The following ERCC6 variants were observed in gnomAD, a reference collection of about 807,000 sequenced individuals.
ERCC6 encodes the protein DNA excision repair protein ERCC-6.
In ERCC6, 116 loss-of-function variants were observed where a neutral mutation model predicts 158.7. That is an observed-to-expected ratio of 0.73 (90% CI 0.63 to 0.85). The LOEUF (loss-of-function observed/expected upper bound fraction) is 0.85. Ranked by LOEUF, ERCC6 falls within the 40% of genes least tolerant of loss-of-function variation. The pLI is 0.00. For missense variants in ERCC6, 1,698 were observed against 1,799.4 expected (o/e 0.94, Z 1.02); for synonymous variants, 678 against 659.3 (o/e 1.03, Z -0.43).
At position 49,457,096 on chromosome 10, in the gene ERCC6, G is replaced by A. The variant is rs892974391; in HGVS notation, c.*1719C>T. The A allele has an allele frequency of 2.0e-5, 3 of 152,078 alleles. No homozygotes were observed. The allele number at this position is 152,078 out of a possible 1,614,324, so 9.4% of individuals were successfully genotyped here. On this transcript the variant is annotated 3_prime_UTR_variant, in exon 21 of 21. Transcript: ENST00000355832. ...GGTCAGCAGATCACCCTGAGAACAA[G>A]GAAGACACAATTTCCTTATAGGCTA... is the stretch of plus-strand genomic sequence containing the variant.
At chr10:49,509,566 G>C (rs908443267) in intron 5 of ERCC6, among the ~76,000 whole-genome samples, 4 of 152,132 alleles carry the variant, frequency 2.6e-5, no homozygotes. Context: ...TAAAAATTCT[G>C]TCACAAATTT....
intron 6 of ERCC6, chr10:49,500,977 T>TA: frequency 2.7e-6 from 1 of 369,950 alleles, no homozygotes; most frequent in Non-Finnish European, 5.0e-6. Flanking sequence ...TTTTCAACAT[T>TA]AGAAATAGCT....
At chr10:49,482,659 CA>C (rs763264917) in intron 10 of ERCC6, 27 bp downstream of exon 10, 3 of 1,602,470 alleles carry the variant, frequency 1.9e-6, no homozygotes, top group Non-Finnish European at 2.6e-6. Flanking sequence ...ATTAAAATGC[CA>C]AAAGTATTAT....
chr10:49,485,628 C>CACAGGCAATAGATATTTAATTCTTAACT (rs1851063946), intron 8 of ERCC6, among the ~76,000 whole-genome samples: 1 of 152,066 alleles, frequency 6.6e-6, no homozygotes, highest in African/African-American at 2.4e-5. Context: ...TAGAAAGGTA[C>CACAGGCAATAGATATTTAATTCTTAACT]ACAGGCAATA....
intron 18 of ERCC6, among the ~76,000 whole-genome samples, chr10:49,463,737 C>T (rs932554402): frequency 9.2e-5 from 14 of 152,156 alleles, no homozygotes; most frequent in Non-Finnish European, 1.9e-4. Flanking sequence ...GAATGAGTTT[C>T]ATGAGATCTC....
At chr10:49,522,086 A>G (rs1590469881) in intron 5 of ERCC6, among the ~76,000 whole-genome samples, 1 of 152,200 alleles carries the variant, frequency 6.6e-6, no homozygotes, top group Non-Finnish European at 1.5e-5. Context: ...AACTACTCCT[A>G]AATTCTAACC....
intron 7 of ERCC6, among the ~76,000 whole-genome samples, chr10:49,499,700 C>A (rs1049239599): frequency 6.6e-6 from 1 of 152,136 alleles, no homozygotes; most frequent in Non-Finnish European, 1.5e-5. Context: ...CTGATTTCTA[C>A]AGAGTCAATT....
chr10:49,521,597 A>G (rs892251198), intron 5 of ERCC6, among the ~76,000 whole-genome samples: 4 of 152,214 alleles, frequency 2.6e-5, no homozygotes, highest in Admixed American at 1.3e-4. Context: ...CCGACAGAAC[A>G]TTTACTTCTA....
Position 49,474,039 on chromosome 10 carries a change from A to C in ERCC6, c.2586T>G (p.Ser862=). The part of the protein sequence containing the change: ...HKQGQRVLLF[S]QSRQMLDILE... ...TCTGTGCACTCACCTGCCTTGACTG[A>C]GAAAACAGCAATACTCGCTGACCCT... is the stretch of plus-strand genomic sequence containing the variant. The change falls in exon 13 of 21, where the codon TCT becomes TCG. Residue 862 remains serine, a synonymous_variant. Coordinates refer to ENST00000355832, the MANE Select transcript of ERCC6 (RefSeq NM_000124.4). 1 of 1,614,020 alleles carries C rather than the reference A, an allele frequency of 6.2e-7. No individual in the cohort carries two copies. The highest frequency in any genetic ancestry group is 8.5e-7 in the Non-Finnish European group (1 of 1,179,990).
chr10:49,452,776 T>TGTTATATCTTTTTGATGG (rs541914358), downstream of ERCC6, among the ~76,000 whole-genome samples: 835 of 152,314 alleles, frequency 5.5e-3, 4 homozygotes, highest in Non-Finnish European at 7.1e-3. Context: ...TGTTTACAAC[T>TGTTATATCTTTTTGATGG]GTTATATCTT....
intron 7 of ERCC6, among the ~76,000 whole-genome samples, chr10:49,496,914 A>T (rs1298654154): frequency 6.6e-6 from 1 of 152,238 alleles, no homozygotes; most frequent in East Asian, 1.9e-4. Flanking sequence ...ACTGAAAAAT[A>T]ATTTGTAGTT....
rs4253004 is a variant in ERCC6 at position 49,539,034 on chromosome 10, G to T, written c.-87C>A. 0.055 allele frequency: 8,378 copies of T among 152,628 alleles called. 676 individuals are homozygous for T. Among genetic ancestry groups the T allele is most frequent in the East Asian group, 0.36 (1,881 of 5,172 alleles). The allele number at this position is 152,628 out of a possible 1,614,324, so 9.5% of individuals were successfully genotyped here. On this transcript the variant is annotated 5_prime_UTR_variant, in exon 1 of 21. Transcript: ENST00000355832. ...CAGCCGCCTTGGAACCCAGCTCGAC[G>T]GGCCGTGGCGCCTGCGCCCTCAGCT...
chr10:49,477,955 ATCT>A (rs1226274261), intron 11 of ERCC6, among the ~76,000 whole-genome samples: 1 of 152,176 alleles, frequency 6.6e-6, no homozygotes, highest in Non-Finnish European at 1.5e-5. Context: ...GCCACCTGAC[ATCT>A]TCTATACCTT....
At chr10:49,445,965 T>C in the ERCC6 span, among the ~76,000 whole-genome samples, 1 of 152,338 alleles carries the variant, frequency 6.6e-6, no homozygotes, top group Non-Finnish European at 1.5e-5. Flanking sequence ...CTTTGCTGTT[T>C]GAGCTGGATT....
At position 49,472,717 on chromosome 10, in the gene ERCC6, G is replaced by A. The variant is rs187410426; in HGVS notation, c.2829+192C>T. The A allele has an allele frequency of 5.9e-4, 447 of 759,538 alleles. 1 individual carries two copies. The African/African-American group carries it at 7.3e-3, about 12-fold the overall frequency. 47.0% of individuals were successfully genotyped at this position (759,538 alleles called of 1,614,324 possible). On this transcript the variant is annotated intron_variant, in intron 15 of 20. Coordinates refer to ENST00000355832, the MANE Select transcript of ERCC6 (RefSeq NM_000124.4). ...CCCAACTCTAGGAATGAATGCTATG[G>A]ATAAACTGCTGAAGATGGTTCCTGT...
At chr10:49,474,386 T>C in intron 12 of ERCC6, 144 bp from the exon 13 acceptor site, 1 of 684,160 alleles carries the variant, frequency 1.5e-6, no homozygotes, top group Non-Finnish European at 2.6e-6. Context: ...CACAGCATTA[T>C]CATGAGCTGG....
At chr10:49,500,207 T>C (rs999579576) in intron 7 of ERCC6, among the ~76,000 whole-genome samples, 2 of 152,218 alleles carry the variant, frequency 1.3e-5, no homozygotes, top group Non-Finnish European at 2.9e-5. Context: ...TTGTGTAAAC[T>C]ATTGATATTA....
At chr10:49,535,694 TTGTAG>T (rs1197840130) in intron 1 of ERCC6, among the ~76,000 whole-genome samples, 2 of 152,200 alleles carry the variant, frequency 1.3e-5, no homozygotes, top group Admixed American at 6.5e-5. Flanking sequence ...AGCAATAGTA[TTGTAG>T]TGTAAAGACA....
At chr10:49,449,841 C>T (rs371965607), downstream of ERCC6, among the ~76,000 whole-genome samples, 20 of 151,782 alleles carry the variant, frequency 1.3e-4, 1 homozygote, top group African/African-American at 4.1e-4. Context: ...TGAGCCACCG[C>T]GCCTGGCCTC....
Sources: allele counts gnomAD v4.1 joint callset (sites outside exome capture counted in the v4.1 genomes callset), GRCh38; gene constraint gnomAD v4.1.1; transcripts MANE v1.5; gene names NCBI Gene and HGNC (gene_info 2026-07-23, HGNC 2026-07-21).